KLHL12: variants seen among roughly 807,000 people sequenced by gnomAD.
The protein encoded by KLHL12 is kelch-like protein 12.
In KLHL12, 17 loss-of-function variants were observed where a neutral mutation model predicts 60.8. The observed-to-expected ratio is 0.28, with a 90% confidence interval of 0.19 to 0.42. The LOEUF (loss-of-function observed/expected upper bound fraction) is 0.42, where lower values mean the gene tolerates loss of function less well. Among genes scored for constraint, KLHL12 ranks in the 10% least tolerant of loss-of-function variants. KLHL12 has a pLI of 1.00. For missense variants in KLHL12, 468 were observed against 722.3 expected (o/e 0.65, Z 4.04); for synonymous variants, 220 against 250.9 (o/e 0.88, Z 1.16).
intron 4 of KLHL12, among the ~76,000 whole-genome samples, chr1:202,913,137 T>A (rs559599559): frequency 1.3e-5 from 2 of 152,272 alleles, no homozygotes; most frequent in South Asian, 4.1e-4. Context: ...CTATGCTATT[T>A]GAGAAGATAT....
At chr1:202,894,518 G>T in intron 9 of KLHL12, 73 bp downstream of exon 9, 1 of 1,492,882 alleles carries the variant, frequency 6.7e-7, no homozygotes, top group Non-Finnish European at 9.3e-7. Flanking sequence ...CGTCATTTTG[G>T]TAAAAAGGAA....
chr1:202,896,943 A>G lies in KLHL12; in HGVS notation c.850T>C (p.Leu284=). ...RARLGANEVL[L]VVGGFGSQQS... ...TGGCTTCCAAAGCCCCCAACCACCA[A>G]AAGCACTTCATTGGCTCCTGAAGAC... The change falls in exon 7 of 12, where the codon TTG becomes CTG. Residue 284 remains leucine, a synonymous_variant. Coordinates refer to ENST00000367261, the MANE Select transcript of KLHL12 (RefSeq NM_021633.4). 1 of 1,614,084 alleles carries G rather than the reference A, an allele frequency of 6.2e-7. No homozygotes were observed. The highest frequency in any genetic ancestry group is 8.5e-7 in the Non-Finnish European group (1 of 1,179,966).
chr1:202,892,729 C>G (rs1659715951), intron 11 of KLHL12, 70 bp from the exon 12 acceptor site: 2 of 1,547,988 alleles, frequency 1.3e-6, no homozygotes, highest in Non-Finnish European at 1.8e-6. Flanking sequence ...GTAATCCCAA[C>G]TATGCAGGAG....
chr1:202,906,658 TTTAA>T (rs925842268), intron 6 of KLHL12, among the ~76,000 whole-genome samples: 1 of 151,982 alleles, frequency 6.6e-6, no homozygotes, highest in Non-Finnish European at 1.5e-5. Flanking sequence ...ATATATTTTA[TTTAA>T]TTAATTTATT....
intron 4 of KLHL12, chr1:202,911,706 A>C (rs1660367138): frequency 1.8e-6 from 1 of 565,304 alleles, no homozygotes; most frequent in South Asian, 2.6e-5. Flanking sequence ...CTGAAGCAGG[A>C]GCTTCTCTAA....
Position 202,892,630 on chromosome 1 carries a change from A to G in KLHL12, c.1610T>C (p.Ile537Thr), listed in dbSNP as rs1252467132. 16 of 1,614,070 alleles carry G rather than the reference A, an allele frequency of 9.9e-6. No homozygotes were observed. The highest frequency in any genetic ancestry group is 1.7e-4 in the Middle Eastern group (1 of 6,042). The stretch of plus-strand genomic sequence containing the variant: ...GTCGATGATAGGGTCATAACATTCA[A>G]TGCTACTTAGCAGGGAATTACCATC... ...GYDGNSLLSS[I>T]ECYDPIIDSW... Residue 537 changes from isoleucine (I) to threonine (T), a missense_variant, in exon 12 of 12, where the codon ATT (isoleucine) becomes ACT (threonine). Physicochemically the swap from Ile to Thr is moderately conservative, Grantham distance 89. Coordinates refer to ENST00000367261, the MANE Select transcript of KLHL12 (RefSeq NM_021633.4).
chr1:202,918,516 G>T, intron 3 of KLHL12, 128 bp from the exon 4 acceptor site: 1 of 717,018 alleles, frequency 1.4e-6, no homozygotes, highest in South Asian at 1.8e-5. Context: ...CTAAGAAACA[G>T]ATTAGAAATT....
At chr1:202,927,345 C>T (rs1002234329), upstream of KLHL12, 6 of 887,042 alleles carry the variant, frequency 6.8e-6, no homozygotes, top group African/African-American at 1.8e-5. Context: ...CTGTCTGTAC[C>T]CTAGCGCGGG....
intron 11 of KLHL12, 31 bp from the exon 12 acceptor site, chr1:202,892,690 G>A (rs1305067834): frequency 1.2e-6 from 2 of 1,609,328 alleles, no homozygotes; most frequent in South Asian, 1.1e-5. Flanking sequence ...AGAAAGAAAT[G>A]AGTCAGCTGC....
At chr1:202,922,920 T>C (rs1473037057) in intron 2 of KLHL12, among the ~76,000 whole-genome samples, 1 of 152,132 alleles carries the variant, frequency 6.6e-6, no homozygotes. Context: ...TTGTGATCTT[T>C]CAATCAGATG....
At chr1:202,920,171 G>T (rs1414374818) in intron 2 of KLHL12, among the ~76,000 whole-genome samples, 3 of 151,614 alleles carry the variant, frequency 2.0e-5, no homozygotes, top group African/African-American at 7.3e-5. Flanking sequence ...AAAATTAGTT[G>T]GGCATGGTGG....
In KLHL12 at chr1:202,895,139, C is replaced by T. The variant is rs1659792230; in HGVS notation, c.1135+383G>A. Among the ~76,000 whole-genome samples the T allele has an allele frequency of 6.6e-6, 1 of 152,154 alleles. No homozygotes were observed. The highest frequency in any genetic ancestry group is 2.4e-5 in the African/African-American group (1 of 41,428). On this transcript the variant is annotated intron_variant, in intron 8 of 11. Transcript: ENST00000367261. The surrounding 1 kb of genome is among the most constrained non-coding windows in gnomAD (Gnocchi z 4.2). ...GGGCACAGTGGCTCACACCTGTAAT[C>T]CCAGCACCTTGGGAGGCCGAGGTGG...
In KLHL12 at chr1:202,925,079, C is replaced by T; in HGVS notation, c.84G>A (p.Lys28=). The change falls in exon 2 of 12, where the codon AAG becomes AAA. Residue 28 remains lysine (K), a synonymous_variant. Coordinates refer to ENST00000367261, the MANE Select transcript of KLHL12 (RefSeq NM_021633.4). ...ATGTCACATCACAGAGGGTATTGCT[C>T]TTCCTGAGGGAGTTCATTGAATTGA... is the stretch of plus-strand genomic sequence containing the variant. The part of the protein sequence containing the change: ...SILNSMNSLR[K]SNTLCDVTLR... 1 of 1,614,128 alleles carries T rather than the reference C, an allele frequency of 6.2e-7. No individual in the cohort carries two copies. Among genetic ancestry groups the T allele is most frequent in the East Asian group, 2.2e-5 (1 of 44,886 alleles).
At chr1:202,898,436 T>A (rs1416234949) in intron 6 of KLHL12, among the ~76,000 whole-genome samples, 1 of 152,208 alleles carries the variant, frequency 6.6e-6, no homozygotes, top group Non-Finnish European at 1.5e-5. Flanking sequence ...TTGACAATTA[T>A]CATCAATTGC....
At chr1:202,912,458 CGTG>C (rs1014519943) in intron 4 of KLHL12, 171 of 842,310 alleles carry the variant, frequency 2.0e-4, no homozygotes, top group South Asian at 3.4e-4. Context: ...GCATGACAGC[CGTG>C]GTGGTGGTGG....
chr1:202,893,497 G>T lies in KLHL12; in HGVS notation c.1394-72C>A. 1 of 1,317,164 alleles carries T rather than the reference G, an allele frequency of 7.6e-7. No individual in the cohort carries two copies. The allele number at this position is 1,317,164 out of a possible 1,614,324, so 81.6% of individuals were successfully genotyped here. A position where few individuals can be genotyped will look rare whatever the true frequency, so the allele number is the denominator to read the frequency against. On this transcript the variant is annotated intron_variant, in intron 10 of 11. Coordinates refer to ENST00000367261, the MANE Select transcript of KLHL12 (RefSeq NM_021633.4). This position sits in a 1 kb window ranked among gnomAD's most constrained non-coding sequence, Gnocchi z 4.1. ...ATCTGAATTATAGAAATAAACTACG[G>T]TCACTAATGACTAGCTGAGTTCTAC... is the stretch of plus-strand genomic sequence containing the variant.
rs1408553774 is a variant in KLHL12, at chr1:202,927,086, C to A, written c.-46+3G>T. ...TGACTGCCATCACTTCCGCGCAACTCACCTCCGCTCCCGAACCCACACAGC... is the reference window on the plus strand; with the variant it reads ...TGACTGCCATCACTTCCGCGCAACTAACCTCCGCTCCCGAACCCACACAGC... On this transcript the variant is annotated splice_donor_region_variant and intron_variant, in intron 1 of 11. Coordinates refer to ENST00000367261, the MANE Select transcript of KLHL12 (RefSeq NM_021633.4). 1 of 985,436 alleles carries A rather than the reference C, an allele frequency of 1.0e-6. No individual in the cohort carries two copies. Among genetic ancestry groups the A allele is most frequent in the Non-Finnish European group, 1.2e-6 (1 of 830,068 alleles). 61.0% of individuals were successfully genotyped at this position (985,436 alleles called of 1,614,324 possible). A position where few individuals can be genotyped will look rare whatever the true frequency, so the allele number is the denominator to read the frequency against.
At chr1:202,912,549 G>A in intron 4 of KLHL12, 1 of 1,075,564 alleles carries the variant, frequency 9.3e-7, no homozygotes, top group South Asian at 1.2e-5. Flanking sequence ...GGAAGCTACA[G>A]TGATTTTGGC....
intron 2 of KLHL12, among the ~76,000 whole-genome samples, chr1:202,921,177 ATT>A (rs568392113): frequency 1.8e-4 from 24 of 135,064 alleles, no homozygotes; most frequent in Non-Finnish European, 1.8e-4. Flanking sequence ...CAACCAGCTA[ATT>A]TTTTTTTTTT....
Sources: allele counts gnomAD v4.1 joint callset (sites outside exome capture counted in the v4.1 genomes callset), GRCh38; gene constraint gnomAD v4.1.1; non-coding constraint Gnocchi (gnomAD v3.1); transcripts MANE v1.5; gene names NCBI Gene and HGNC (gene_info 2026-07-23, HGNC 2026-07-21).